RBFOX1: variants seen among roughly 807,000 people sequenced by gnomAD.
The protein encoded by RBFOX1 is RNA binding fox-1 homolog 1.
Under a neutral mutation model 57.7 loss-of-function variants are expected in RBFOX1, and 8 were observed. The ratio of observed to expected loss-of-function variants is 0.14; its 90% confidence interval spans 0.08 to 0.25. The LOEUF (loss-of-function observed/expected upper bound fraction) is 0.25, where lower values mean the gene tolerates loss of function less well. RBFOX1 is among the 10% of genes least tolerant of loss of function. The pLI, the probability that RBFOX1 is intolerant of heterozygous loss-of-function variation, is 1.00. For missense variants in RBFOX1, 611 were observed against 548.5 expected, an observed-to-expected ratio of 1.11 and a Z score of -1.14; for synonymous variants, 326 against 222.4, an observed-to-expected ratio of 1.47 and a Z score of -4.15.
chr16:5,438,457 G>A (rs751559565), intron 1 of RBFOX1, among the ~76,000 whole-genome samples: 15 of 152,180 alleles, frequency 9.9e-5, no homozygotes, highest in Non-Finnish European at 2.1e-4. Flanking sequence ...TTCAAGTGCT[G>A]TCTTGACATC....
chr16:7,094,382 G>A (rs765140004), intron 4 of RBFOX1, among the ~76,000 whole-genome samples: 6 of 148,496 alleles, frequency 4.0e-5, no homozygotes, highest in Admixed American at 2.7e-4. Context: ...TTTATTATCC[G>A]AAGACATTCC....
At chr16:6,745,238 C>G (rs950914279) in intron 3 of RBFOX1, among the ~76,000 whole-genome samples, 1 of 151,982 alleles carries the variant, frequency 6.6e-6, no homozygotes, top group Admixed American at 6.6e-5. Context: ...TGTTAATAAA[C>G]TTTACAAAAC....
chr16:7,010,086 T>C (rs1031013264), intron 3 of RBFOX1, among the ~76,000 whole-genome samples: 2 of 152,210 alleles, frequency 1.3e-5, no homozygotes, highest in Non-Finnish European at 2.9e-5. Context: ...AGTTAACTTC[T>C]ATAACGGTTT....
intron 3 of RBFOX1, among the ~76,000 whole-genome samples, chr16:6,994,506 C>A (rs2091972255): frequency 6.6e-6 from 1 of 152,132 alleles, no homozygotes; most frequent in Non-Finnish European, 1.5e-5. Flanking sequence ...AGGTAAACAA[C>A]AAGTGACCGA....
At chr16:7,116,904 C>G (rs930107477) in intron 4 of RBFOX1, among the ~76,000 whole-genome samples, 1 of 151,962 alleles carries the variant, frequency 6.6e-6, no homozygotes, top group South Asian at 2.1e-4. Flanking sequence ...GTCATGTGTG[C>G]TAGGGAGAGG....
At chr16:6,787,898 T>A (rs1271219504) in intron 3 of RBFOX1, among the ~76,000 whole-genome samples, 2 of 152,158 alleles carry the variant, frequency 1.3e-5, no homozygotes, top group African/African-American at 4.8e-5. Flanking sequence ...TTAATATTAA[T>A]AGCCAATCTG....
intron 4 of RBFOX1, among the ~76,000 whole-genome samples, chr16:5,970,055 C>T (rs895934099): frequency 6.6e-6 from 1 of 152,126 alleles, no homozygotes; most frequent in Non-Finnish European, 1.5e-5. Context: ...TGGCACTCTA[C>T]ACATTGCTGC....
intron 3 of RBFOX1, among the ~76,000 whole-genome samples, chr16:5,669,433 T>TTC (rs1164892718): frequency 2.7e-5 from 4 of 149,864 alleles, no homozygotes; most frequent in Non-Finnish European, 5.9e-5. Flanking sequence ...TTTTTTTTTT[T>TTC]TTTTTTTGGA....
intron 6 of RBFOX1, among the ~76,000 whole-genome samples, chr16:7,582,047 T>G (rs1396463316): frequency 1.4e-5 from 2 of 145,278 alleles, no homozygotes; most frequent in African/African-American, 5.0e-5. Flanking sequence ...CCCTTTTTTT[T>G]GTGACAAAGT....
intron 2 of RBFOX1, among the ~76,000 whole-genome samples, chr16:5,527,393 C>G (rs1332317601): frequency 6.6e-6 from 1 of 152,178 alleles, no homozygotes; most frequent in African/African-American, 2.4e-5. Context: ...CTTCCACCGG[C>G]TTAATGCAGG....
In RBFOX1 at chr16:7,094,876, A is replaced by C. The variant is rs116021847; in HGVS notation, c.27+42778A>C. 1.8e-3 allele frequency among the ~76,000 whole-genome samples: 278 copies of C among 151,858 alleles called. 1 individual carries two copies. The highest frequency in any genetic ancestry group is 6.4e-3 in the African/African-American group (264 of 41,432). On this transcript the variant is annotated intron_variant, in intron 4 of 15. Coordinates refer to ENST00000550418, the MANE Select transcript of RBFOX1 (RefSeq NM_018723.4). ...CTCACTTATGGATAACATTTGGATA[A>C]CGTGTTCTCTTTAATCACACAGACT... is the stretch of plus-strand genomic sequence containing the variant.
At chr16:7,131,131 G>A (rs926378830) in intron 4 of RBFOX1, among the ~76,000 whole-genome samples, 1 of 152,014 alleles carries the variant, frequency 6.6e-6, no homozygotes, top group Non-Finnish European at 1.5e-5. Context: ...GATCACATGA[G>A]GCCAGGAGTT....
At chr16:7,163,890 C>T (rs545731121) in intron 4 of RBFOX1, among the ~76,000 whole-genome samples, 1 of 152,200 alleles carries the variant, frequency 6.6e-6, no homozygotes, top group South Asian at 2.1e-4. Flanking sequence ...GAACTCCTGA[C>T]CTCAAATGAT....
At chr16:6,610,845 A>C (rs1263102463) in intron 2 of RBFOX1, among the ~76,000 whole-genome samples, 1 of 152,188 alleles carries the variant, frequency 6.6e-6, no homozygotes, top group East Asian at 1.9e-4. Flanking sequence ...ACCACTTATG[A>C]ATTGACTGCC....
chr16:6,669,826 A>G (rs1412100175), intron 3 of RBFOX1, among the ~76,000 whole-genome samples: 4 of 152,174 alleles, frequency 2.6e-5, no homozygotes. Context: ...TAGAAAAGCA[A>G]ATGCTCACCA....
At chr16:6,778,050 G>C (rs987867457) in intron 3 of RBFOX1, among the ~76,000 whole-genome samples, 13 of 152,096 alleles carry the variant, frequency 8.5e-5, no homozygotes, top group African/African-American at 3.1e-4. Context: ...GATAAATCTT[G>C]TCATTTCAAC....
intron 3 of RBFOX1, among the ~76,000 whole-genome samples, chr16:7,042,521 A>C (rs2046517431): frequency 6.6e-6 from 1 of 152,236 alleles, no homozygotes; most frequent in Admixed American, 6.5e-5. Context: ...CTGCTTACAA[A>C]GTTCTGAGAA....
At chr16:5,255,746 G>T (rs1246815135) in intron 1 of RBFOX1, among the ~76,000 whole-genome samples, 1 of 151,684 alleles carries the variant, frequency 6.6e-6, no homozygotes, top group Non-Finnish European at 1.5e-5. Flanking sequence ...TTGTACTTCT[G>T]TTCATTTATT....
chr16:6,975,288 C>T (rs1035953280), intron 3 of RBFOX1, among the ~76,000 whole-genome samples: 2 of 151,102 alleles, frequency 1.3e-5, no homozygotes, highest in South Asian at 4.2e-4. Context: ...TTTTTTGAGA[C>T]AGGGTCTCAT....
Sources: allele counts gnomAD v4.1 joint callset (sites outside exome capture counted in the v4.1 genomes callset), GRCh38; gene constraint gnomAD v4.1.1; transcripts MANE v1.5; gene names NCBI Gene and HGNC (gene_info 2026-07-23, HGNC 2026-07-21).